The following FAR2 variants were observed in gnomAD, a reference collection of about 807,000 sequenced individuals.
The protein encoded by FAR2 is fatty acyl-CoA reductase 2, also known as epididymis secretory protein Li 81.
FAR2 carries 19 observed loss-of-function variants against 56.0 expected under a neutral mutation model. The ratio of observed to expected loss-of-function variants is 0.34; its 90% CI spans 0.24 to 0.50. The LOEUF (loss-of-function observed/expected upper bound fraction) is 0.50, where lower values mean the gene tolerates loss of function less well. FAR2 is among the 20% of genes least tolerant of loss of function. The pLI, the probability that FAR2 is intolerant of heterozygous loss-of-function variation, is 0.98. For synonymous variants in FAR2, 219 were observed against 218.8 expected, an observed-to-expected ratio of 1.00 and a Z score of -0.01; for missense variants, 508 against 642.2, an observed-to-expected ratio of 0.79 and a Z score of 2.26.
chr12:29,188,822 A>C (rs1029017317), intron 1 of FAR2, among the ~76,000 whole-genome samples: 1 of 150,688 alleles, frequency 6.6e-6, no homozygotes, highest in African/African-American at 2.4e-5. Flanking sequence ...GAGTCTGGTC[A>C]GGTACCCTGT....
At chr12:29,219,397 A>G (rs982247445) in intron 1 of FAR2, among the ~76,000 whole-genome samples, 1 of 152,196 alleles carries the variant, frequency 6.6e-6, no homozygotes, top group African/African-American at 2.4e-5. Flanking sequence ...ATATCATAAC[A>G]TAACATAGGT....
intron 1 of FAR2, among the ~76,000 whole-genome samples, chr12:29,206,789 A>G (rs1325419962): frequency 6.6e-6 from 1 of 152,166 alleles, no homozygotes; most frequent in Non-Finnish European, 1.5e-5. Context: ...GTGGAGAGAG[A>G]CACACCTGGC....
At chr12:29,212,805 G>A (rs1182267736) in intron 1 of FAR2, among the ~76,000 whole-genome samples, 1 of 152,160 alleles carries the variant, frequency 6.6e-6, no homozygotes, top group African/African-American at 2.4e-5. Context: ...TAGCAGAATC[G>A]TTTTTGCAGG....
intron 1 of FAR2, among the ~76,000 whole-genome samples, chr12:29,180,434 A>G (rs1000882421): frequency 2.0e-5 from 3 of 152,064 alleles, no homozygotes; most frequent in African/African-American, 7.2e-5. Flanking sequence ...TCAGGGTCCC[A>G]AACTGCCCTC....
chr12:29,293,654 C>T (rs1949009676), intron 3 of FAR2, 179 bp downstream of exon 3: 3 of 455,908 alleles, frequency 6.6e-6, no homozygotes, highest in Non-Finnish European at 1.1e-5. Context: ...ATATTCACTC[C>T]AATTTTTCTT....
intron 4 of FAR2, among the ~76,000 whole-genome samples, chr12:29,303,363 CTTCT>C (rs1052984773): frequency 2.6e-5 from 4 of 152,154 alleles, no homozygotes; most frequent in African/African-American, 7.2e-5. Context: ...GATCATTTAT[CTTCT>C]TTATCTCTAT....
intron 4 of FAR2, among the ~76,000 whole-genome samples, chr12:29,299,425 A>T (rs1301608417): frequency 1.3e-5 from 2 of 152,108 alleles, no homozygotes; most frequent in African/African-American, 4.8e-5. Flanking sequence ...TCCTCCCTCA[A>T]GTATATGTCA....
chr12:29,157,099 G>C (rs1234449121), intron 1 of FAR2: 12 of 72,022 alleles, frequency 1.7e-4, no homozygotes, highest in Admixed American at 9.6e-4. Context: ...TTAAAGCAAA[G>C]AACATTTTAT....
intron 10 of FAR2, among the ~76,000 whole-genome samples, chr12:29,327,641 C>A (rs1949670407): frequency 6.6e-6 from 1 of 152,104 alleles, no homozygotes; most frequent in Non-Finnish European, 1.5e-5. Flanking sequence ...CTGACAAAAA[C>A]AAGAAATGGG....
At chr12:29,204,267 A>G (rs11050123) in intron 1 of FAR2, among the ~76,000 whole-genome samples, 1,816 of 152,058 alleles carry the variant, frequency 0.012, 27 homozygotes, top group East Asian at 0.076. Flanking sequence ...AACCAGGACT[A>G]TGTTGGCCCT....
In FAR2 at chr12:29,183,566, C is replaced by A. The variant is rs546824855; in HGVS notation, c.-39+34159C>A. ...ACATTCTCTCCTTCACTGCCATATT[C>A]ATCTCACCATCTGTTCTGTTAATTA... On this transcript the variant is annotated intron_variant, in intron 1 of 11. Coordinates refer to ENST00000536681, the MANE Select transcript of FAR2 (RefSeq NM_001271783.2). 1.4e-4 allele frequency among the ~76,000 whole-genome samples: 21 copies of A among 152,296 alleles called. No homozygotes were observed. In the South Asian group the frequency reaches 4.1e-3, roughly 30 times the overall value.
rs544384198 is a variant in FAR2 at position 29,213,129 on chromosome 12, T to G, written c.-38-57283T>G. Among the ~76,000 whole-genome samples, 6 of 152,162 alleles carry G rather than the reference T, an allele frequency of 3.9e-5. No homozygotes were observed. In the East Asian group the frequency reaches 1.2e-3, roughly 29 times the overall value. On this transcript the variant is annotated intron_variant, in intron 1 of 11. Transcript: ENST00000536681. ...TTATCCCTACAGAATATCTCTGCCT[T>G]GTAAGTCTCCTATTCAGAAGCATTT...
intron 1 of FAR2, among the ~76,000 whole-genome samples, chr12:29,214,447 CA>C (rs1442533180): frequency 6.6e-6 from 1 of 152,132 alleles, no homozygotes; most frequent in African/African-American, 2.4e-5. Flanking sequence ...GTGGAACTTA[CA>C]TTATTTAAGG....
intron 1 of FAR2, among the ~76,000 whole-genome samples, chr12:29,252,192 T>A (rs994437032): frequency 2.0e-5 from 3 of 151,976 alleles, no homozygotes; most frequent in Non-Finnish European, 4.4e-5. Flanking sequence ...TAAGGAAGAG[T>A]CTGTCTGAAA....
intron 8 of FAR2, among the ~76,000 whole-genome samples, chr12:29,314,653 T>C (rs1439254464): frequency 2.0e-5 from 3 of 152,016 alleles, no homozygotes; most frequent in African/African-American, 7.2e-5. Flanking sequence ...GAGGCTTCTT[T>C]TGTCTTCCTC....
chr12:29,274,251 T>A (rs1480873112), intron 2 of FAR2, among the ~76,000 whole-genome samples: 1 of 137,956 alleles, frequency 7.2e-6, no homozygotes, highest in Non-Finnish European at 1.5e-5. Context: ...TGTCCATGTG[T>A]TCTCATTGTT....
At chr12:29,279,499 G>A (rs1244045261) in intron 2 of FAR2, among the ~76,000 whole-genome samples, 1 of 152,124 alleles carries the variant, frequency 6.6e-6, no homozygotes, top group Admixed American at 6.5e-5. Context: ...CACTGAGTTT[G>A]TTAATTCATT....
chr12:29,286,887 A>G (rs1273972599), intron 2 of FAR2, among the ~76,000 whole-genome samples: 1 of 152,160 alleles, frequency 6.6e-6, no homozygotes, highest in Non-Finnish European at 1.5e-5. Context: ...AATTGTCTTT[A>G]AGAACAGCAT....
chr12:29,173,271 G>A lies in FAR2; in HGVS notation c.-39+23864G>A, dbSNP rs146971936. Among the ~76,000 whole-genome samples, 87 of 152,274 alleles carry A rather than the reference G, an allele frequency of 5.7e-4. 1 individual carries two copies. Among genetic ancestry groups the A allele is most frequent in the East Asian group, 5.0e-3 (26 of 5,174 alleles). ...TTGAAGGGAACATAACCGATAGCCC[G>A]GGGGTTTTTGTGGTCCTTTGGAGAT... is the stretch of plus-strand genomic sequence containing the variant. On this transcript the variant is annotated intron_variant, in intron 1 of 11. Coordinates refer to ENST00000536681, the MANE Select transcript of FAR2 (RefSeq NM_001271783.2).
Sources: gnomAD v4.1 joint callset for allele counts (sites outside exome capture counted in the v4.1 genomes callset) on GRCh38, gnomAD v4.1.1 for gene constraint, MANE v1.5 for transcripts, NCBI Gene and HGNC (gene_info 2026-07-23, HGNC 2026-07-21) for gene names.